Variants in TLN2 observed in about 807,000 individuals in gnomAD.
TLN2 encodes talin-2.
In TLN2, 118 loss-of-function variants were observed where a neutral mutation model predicts 294.7. That is an observed-to-expected ratio of 0.40 (90% confidence interval 0.34 to 0.47). The LOEUF is 0.47. Among genes scored for constraint, TLN2 ranks in the 20% least tolerant of loss-of-function variants. The pLI, the probability that TLN2 is intolerant of heterozygous loss-of-function variation, is 0.84. For synonymous variants in TLN2, 1,431 were observed against 1,304.5 expected (o/e 1.10, Z -2.09); for missense variants, 3,083 against 3,282.2 (o/e 0.94, Z 1.48).
intron 1 of TLN2, among the ~76,000 whole-genome samples, chr15:62,505,978 T>C (rs189517037): frequency 6.6e-6 from 1 of 152,328 alleles, no homozygotes; most frequent in African/African-American, 2.4e-5. Flanking sequence ...TTTCCTTTAT[T>C]CTATTTATGG....
In TLN2 at chr15:62,549,948, A is replaced by AT. The variant is rs559012747; in HGVS notation, c.-237-39737dup. 1.3e-3 allele frequency among the ~76,000 whole-genome samples: 205 copies of AT among 152,262 alleles called. 6 individuals are homozygous for AT. In the South Asian group the frequency reaches 0.041, roughly 30 times the overall value. ...TGCCACCTGAGATTCTGATCAATCGATTGGGAATGTGGTCTGGGCAACATA... is the reference window on the plus strand; with the variant it reads ...TGCCACCTGAGATTCTGATCAATCGATTTGGGAATGTGGTCTGGGCAACATA... On this transcript the variant is annotated intron_variant, in intron 1 of 58. Transcript: ENST00000636159.
At chr15:62,517,102 A>G (rs950723477) in intron 1 of TLN2, among the ~76,000 whole-genome samples, 2 of 152,220 alleles carry the variant, frequency 1.3e-5, no homozygotes, top group African/African-American at 4.8e-5. Flanking sequence ...TGGCTGGTGG[A>G]TGTTCTGAAG....
chr15:62,688,429 C>G (rs2057480354), intron 12 of TLN2, among the ~76,000 whole-genome samples: 1 of 152,040 alleles, frequency 6.6e-6, no homozygotes, highest in South Asian at 2.1e-4. Context: ...CCAGGATATC[C>G]TTTTTGGTGA....
Position 62,833,486 on chromosome 15 carries a change from G to A in TLN2, c.7003-18G>A. On this transcript the variant is annotated intron_variant, in intron 54 of 58. Coordinates refer to ENST00000636159, the MANE Select transcript of TLN2 (RefSeq NM_015059.3). ...GTGGATATGAATTGAATGTGATGCT[G>A]TTTTCTTTTGGTTATAGCAAGCGGA... The A allele has an allele frequency of 1.2e-6, 2 of 1,612,176 alleles. No individual in the cohort carries two copies. Among genetic ancestry groups the A allele is most frequent in the Non-Finnish European group, 1.7e-6 (2 of 1,178,872 alleles).
intron 12 of TLN2, 92 bp from the exon 13 acceptor site, chr15:62,692,748 C>T (rs1244747742): frequency 1.1e-6 from 1 of 903,820 alleles, no homozygotes; most frequent in South Asian, 1.5e-5. Context: ...AAAATGAAGT[C>T]TATGTCATAT....
intron 33 of TLN2, among the ~76,000 whole-genome samples, chr15:62,749,512 G>C (rs1353851355): frequency 6.6e-6 from 1 of 152,204 alleles, no homozygotes; most frequent in Non-Finnish European, 1.5e-5. Context: ...GAATATCCAA[G>C]GAGTGGGAGG....
At position 62,503,657 on chromosome 15, in the gene TLN2, C is replaced by A. The variant is rs1034456070; in HGVS notation, c.-237-86030C>A. Among the ~76,000 whole-genome samples the A allele has an allele frequency of 5.9e-5, 9 of 152,366 alleles. No individual in the cohort carries two copies. In the South Asian group the frequency reaches 6.2e-4, roughly 11 times the overall value. On this transcript the variant is annotated intron_variant, in intron 1 of 58. Coordinates refer to ENST00000636159, the MANE Select transcript of TLN2 (RefSeq NM_015059.3). The stretch of plus-strand genomic sequence containing the variant: ...TTGGCTGTGCTCTGTGGACCTCCTG[C>A]AGTATGCTTGCCCCATTTCCTCTCT...
chr15:62,604,891 C>T (rs1188087028), intron 2 of TLN2, among the ~76,000 whole-genome samples: 3 of 151,928 alleles, frequency 2.0e-5, no homozygotes, highest in Non-Finnish European at 2.9e-5. Flanking sequence ...CCGCTGCCGC[C>T]GCCTCCTCCT....
chr15:62,818,814 C>T (rs2067316092), intron 52 of TLN2, among the ~76,000 whole-genome samples: 1 of 151,118 alleles, frequency 6.6e-6, no homozygotes, highest in African/African-American at 2.4e-5. Context: ...GGGCTTTTGC[C>T]TTTACTCAGC....
At chr15:62,545,096 A>AT (rs57917415) in intron 1 of TLN2, among the ~76,000 whole-genome samples, 1,516 of 141,736 alleles carry the variant, frequency 0.011, 11 homozygotes, top group East Asian at 0.03. Flanking sequence ...CACCCAGCTG[A>AT]TTTTTTTTTT....
intron 2 of TLN2, among the ~76,000 whole-genome samples, chr15:62,593,396 C>CACAAT (rs1341383323): frequency 4.6e-5 from 7 of 152,162 alleles, no homozygotes; most frequent in Non-Finnish European, 8.8e-5. Context: ...TGTTTCAGAA[C>CACAAT]AACAATAACA....
intron 54 of TLN2, chr15:62,829,629 C>T (rs1055304754): frequency 6.6e-6 from 1 of 152,100 alleles, no homozygotes; most frequent in South Asian, 2.1e-4. Flanking sequence ...TCCTCTCAAG[C>T]ATTTATCCTT....
chr15:62,732,896 G>T (rs367941606), intron 28 of TLN2, among the ~76,000 whole-genome samples: 8 of 152,118 alleles, frequency 5.3e-5, no homozygotes, highest in Admixed American at 5.2e-4. Context: ...TGCTGGGTTC[G>T]GCACTAGATA....
intron 1 of TLN2, among the ~76,000 whole-genome samples, chr15:62,528,815 C>T (rs559862246): frequency 2.0e-5 from 3 of 151,812 alleles, no homozygotes; most frequent in Admixed American, 6.6e-5. Flanking sequence ...AGACTGCATA[C>T]GCTCTTCTGT....
chr15:62,658,703 T>C (rs999638313), intron 9 of TLN2, among the ~76,000 whole-genome samples: 1 of 152,128 alleles, frequency 6.6e-6, no homozygotes, highest in African/African-American at 2.4e-5. Flanking sequence ...AGGGCCTGCT[T>C]TTACCCCACC....
At chr15:62,473,067 C>T (rs1290397731) in intron 1 of TLN2, among the ~76,000 whole-genome samples, 145 of 152,314 alleles carry the variant, frequency 9.5e-4, no homozygotes, top group Non-Finnish European at 2.8e-4. Context: ...AGTGGGTTTG[C>T]AGAAACCTGA....
intron 13 of TLN2, among the ~76,000 whole-genome samples, 176 bp downstream of exon 13, chr15:62,693,117 G>A (rs763449024): frequency 2.0e-5 from 3 of 152,130 alleles, no homozygotes; most frequent in Non-Finnish European, 4.4e-5. Flanking sequence ...ATCACCTGAG[G>A]TCAGGTATTA....
intron 26 of TLN2, among the ~76,000 whole-genome samples, chr15:62,724,395 G>GTACA (rs1417274018): frequency 2.0e-5 from 3 of 152,210 alleles, no homozygotes; most frequent in Admixed American, 2.0e-4. Flanking sequence ...ATGTGCATGT[G>GTACA]TATATTGAGG....
At chr15:62,808,209 T>G (rs1018831395) in intron 51 of TLN2, among the ~76,000 whole-genome samples, 1 of 152,216 alleles carries the variant, frequency 6.6e-6, no homozygotes, top group African/African-American at 2.4e-5. Context: ...CATGCATATT[T>G]CTTTCTAGTC....
Sources: allele counts gnomAD v4.1 joint callset (sites outside exome capture counted in the v4.1 genomes callset), GRCh38; gene constraint gnomAD v4.1.1; transcripts MANE v1.5; gene names NCBI Gene and HGNC (gene_info 2026-07-23, HGNC 2026-07-21).